RNF152: variants seen among roughly 807,000 people sequenced by gnomAD.
RNF152 encodes E3 ubiquitin-protein ligase RNF152.
Under a neutral mutation model 12.7 loss-of-function variants are expected in RNF152, and 11 were observed. That is an observed-to-expected ratio of 0.86 (90% CI 0.54 to 1.43). The LOEUF (loss-of-function observed/expected upper bound fraction) is 1.43. Ranked by LOEUF, RNF152 falls within the 40% of genes most tolerant of loss-of-function variation. The pLI is 0.00. For synonymous variants in RNF152, 113 were observed against 120.3 expected (o/e 0.94, Z 0.40); for missense variants, 255 against 274.8 (o/e 0.93, Z 0.51).
intron 1 of RNF152, among the ~76,000 whole-genome samples, chr18:61,833,472 C>T (rs551156325): frequency 4.2e-4 from 64 of 152,320 alleles, no homozygotes; most frequent in African/African-American, 1.5e-3. Context: ...CCAAGAACTC[C>T]TGTCCTTCAA....
At chr18:61,827,221 G>A (rs1035859822) in intron 1 of RNF152, among the ~76,000 whole-genome samples, 6 of 152,102 alleles carry the variant, frequency 3.9e-5, no homozygotes, top group Non-Finnish European at 5.9e-5. Context: ...AATAAATTTC[G>A]ATTTGGCCAG....
chr18:61,823,293 G>A (rs570025287), intron 1 of RNF152, among the ~76,000 whole-genome samples: 27 of 152,260 alleles, frequency 1.8e-4, no homozygotes, highest in South Asian at 8.3e-4. Flanking sequence ...GAAAATTGTC[G>A]TTTAAACATG....
chr18:61,821,916 G>A (rs747152928), intron 1 of RNF152, among the ~76,000 whole-genome samples: 18 of 152,236 alleles, frequency 1.2e-4, no homozygotes, highest in Middle Eastern at 3.4e-3. Flanking sequence ...CTACCCATCC[G>A]TCCTGTGGAA....
At chr18:61,848,156 C>T (rs763955411) in intron 1 of RNF152, among the ~76,000 whole-genome samples, 2 of 152,100 alleles carry the variant, frequency 1.3e-5, no homozygotes, top group Admixed American at 1.3e-4. Context: ...ATTTCAAAAG[C>T]GCCTCTGGGC....
At chr18:61,863,433 CAAA>C (rs34663065) in intron 1 of RNF152, among the ~76,000 whole-genome samples, 11 of 90,934 alleles carry the variant, frequency 1.2e-4, no homozygotes, top group South Asian at 3.7e-4. Context: ...GACTCCGTCT[CAAA>C]AAAAAAAAAA....
intron 1 of RNF152, among the ~76,000 whole-genome samples, chr18:61,873,508 T>C (rs558611231): frequency 7.9e-5 from 12 of 152,222 alleles, no homozygotes; most frequent in Admixed American, 2.6e-4. Context: ...GCTAATTTTG[T>C]ATTTCTAGTA....
rs1211792863 is a variant in RNF152 at position 61,810,646 on chromosome 18, C to T, written c.*5206G>A. On this transcript the variant is annotated 3_prime_UTR_variant, in exon 2 of 2. Coordinates refer to ENST00000312828, the MANE Select transcript of RNF152 (RefSeq NM_173557.3). The stretch of plus-strand genomic sequence containing the variant: ...CTGGGCACCAAGAGCAAAACTCCAT[C>T]TCATAAATAAATAAATAAATAAATA... 1.3e-5 allele frequency: 2 copies of T among 151,704 alleles called. No individual in the cohort carries two copies. Among genetic ancestry groups the T allele is most frequent in the African/African-American group, 2.4e-5 (1 of 41,386 alleles). The allele number at this position is 151,704 out of a possible 1,614,324, so 9.4% of individuals were successfully genotyped here. A position where few individuals can be genotyped will look rare whatever the true frequency, so the allele number is the denominator to read the frequency against.
rs923833812 is a variant in RNF152 at position 61,860,941 on chromosome 18, TA to T, written c.-136+31853del. 5.3e-5 allele frequency among the ~76,000 whole-genome samples: 8 copies of T among 152,238 alleles called. No individual in the cohort carries two copies. The East Asian group carries it at 1.3e-3, about 26-fold the overall frequency. ...AAAAGAAAAAAATTAATTTTACAAA[TA>T]AAAAAAGCTTACAGAAGAAGGATAT... On this transcript the variant is annotated intron_variant, in intron 1 of 1. Transcript: ENST00000312828.
intron 1 of RNF152, among the ~76,000 whole-genome samples, chr18:61,825,557 C>T (rs1310805481): frequency 2.0e-5 from 3 of 152,190 alleles, no homozygotes; most frequent in Non-Finnish European, 4.4e-5. Context: ...ACTCCAACCA[C>T]AAACCTCAAG....
At position 61,856,503 on chromosome 18, in the gene RNF152, G is replaced by T. The variant is rs777336806; in HGVS notation, c.-136+36292C>A. Among the ~76,000 whole-genome samples the T allele has an allele frequency of 9.9e-4, 151 of 152,040 alleles. 1 individual carries two copies. The highest frequency in any genetic ancestry group is 2.8e-4 in the Non-Finnish European group (19 of 68,004). Reference sequence around the variant, plus strand: ...CTTGAGATGCAAATCCCATATAAAGGGTCATAGCTAGGACCCTTCTAGCCA... The same window carrying T: ...CTTGAGATGCAAATCCCATATAAAGTGTCATAGCTAGGACCCTTCTAGCCA... On this transcript the variant is annotated intron_variant, in intron 1 of 1. Transcript: ENST00000312828.
At chr18:61,885,985 C>CTTTTTTTTTTTTTTTTTTTTTT (rs558169838) in intron 1 of RNF152, among the ~76,000 whole-genome samples, 3 of 81,694 alleles carry the variant, frequency 3.7e-5, no homozygotes, top group Non-Finnish European at 4.6e-5. Context: ...CTTTTGCTTT[C>CTTTTTTTTTTTTTTTTTTTTTT]TTTTTTTTTT....
chr18:61,853,939 T>A (rs915995908), intron 1 of RNF152, among the ~76,000 whole-genome samples: 22 of 152,032 alleles, frequency 1.4e-4, no homozygotes, highest in African/African-American at 5.1e-4. Context: ...GTTGTGCCCA[T>A]CCTCCCTGCC....
At chr18:61,876,286 G>C (rs559469176) in intron 1 of RNF152, among the ~76,000 whole-genome samples, 161 of 152,182 alleles carry the variant, frequency 1.1e-3, no homozygotes, top group Non-Finnish European at 1.5e-3. Context: ...CCCTTTGTAC[G>C]CATGTTCTTA....
At chr18:61,841,788 AAAT>A (rs1910466299) in intron 1 of RNF152, among the ~76,000 whole-genome samples, 4 of 152,258 alleles carry the variant, frequency 2.6e-5, no homozygotes, top group Admixed American at 2.6e-4. Context: ...ACACGGCAGT[AAAT>A]CACTAATCCT....
intron 1 of RNF152, among the ~76,000 whole-genome samples, chr18:61,833,908 G>A (rs1407596824): frequency 1.3e-5 from 2 of 151,870 alleles, no homozygotes; most frequent in African/African-American, 4.8e-5. Flanking sequence ...TCATCCACAA[G>A]ATAAAATATC....
rs1568275192 is a variant in RNF152 at position 61,844,090 on chromosome 18, G to GAAAGAAAGAAAGAAAGAAAGAA, written c.-135-27514_-135-27493dup. The stretch of plus-strand genomic sequence containing the variant: ...GACAGAAAGAAAGGAAAGAAAGAAA[G>GAAAGAAAGAAAGAAAGAAAGAA]AAAGAAAGAAAGAAAGAAAGAAAGA... On this transcript the variant is annotated intron_variant, in intron 1 of 1. Coordinates refer to ENST00000312828, the MANE Select transcript of RNF152 (RefSeq NM_173557.3). Among the ~76,000 whole-genome samples, 211 of 91,852 alleles carry GAAAGAAAGAAAGAAAGAAAGAA rather than the reference G, an allele frequency of 2.3e-3. 1 individual carries two copies. Among genetic ancestry groups the GAAAGAAAGAAAGAAAGAAAGAA allele is most frequent in the East Asian group, 6.9e-3 (24 of 3,458 alleles). The allele number at this position is 91,852 out of a possible 152,430, so 60.3% of individuals were successfully genotyped here. A position where few individuals can be genotyped will look rare whatever the true frequency, so the allele number is the denominator to read the frequency against.
chr18:61,819,728 G>C (rs766567625), intron 1 of RNF152, among the ~76,000 whole-genome samples: 1 of 152,212 alleles, frequency 6.6e-6, no homozygotes, highest in Middle Eastern at 3.4e-3. Context: ...ATATTAAAGA[G>C]TCAAAGAGAA....
intron 1 of RNF152, among the ~76,000 whole-genome samples, chr18:61,834,710 C>T (rs1910102487): frequency 6.6e-6 from 1 of 152,142 alleles, no homozygotes; most frequent in Non-Finnish European, 1.5e-5. Flanking sequence ...TATCTGGCTA[C>T]CAGTATTTGC....
At chr18:61,837,436 A>T (rs897827151) in intron 1 of RNF152, among the ~76,000 whole-genome samples, 1 of 152,230 alleles carries the variant, frequency 6.6e-6, no homozygotes, top group African/African-American at 2.4e-5. Context: ...TGTCCTTATT[A>T]TCAGGAGATA....
Sources: allele counts gnomAD v4.1 joint callset (sites outside exome capture counted in the v4.1 genomes callset), GRCh38; gene constraint gnomAD v4.1.1; transcripts MANE v1.5; gene names NCBI Gene and HGNC (gene_info 2026-07-23, HGNC 2026-07-21).